The following CFTR variants were observed in gnomAD, a reference collection of about 807,000 sequenced individuals.
CFTR encodes CF transmembrane conductance regulator.
In CFTR, 181 loss-of-function variants were observed where a neutral mutation model predicts 171.6. The ratio of observed to expected loss-of-function variants is 1.05; its 90% CI spans 0.93 to 1.19. The LOEUF (loss-of-function observed/expected upper bound fraction) is 1.19. Among genes scored for constraint, CFTR ranks in the 50% most tolerant of loss-of-function variants. The pLI is 0.00. For synonymous variants in CFTR, 583 were observed against 608.0 expected (o/e 0.96, Z 0.60); for missense variants, 1,968 against 1,734.7 (o/e 1.13, Z -2.39).
At chr7:117,536,362 G>A (rs999164790) in intron 6 of CFTR, among the ~76,000 whole-genome samples, 186 bp from the exon 7 acceptor site, 8 of 152,132 alleles carry the variant, frequency 5.3e-5, no homozygotes, top group African/African-American at 7.2e-5. Flanking sequence ...TCTGTACAGC[G>A]TCTGGCACAT....
At chr7:117,624,261 C>A (rs1792619934) in intron 21 of CFTR, among the ~76,000 whole-genome samples, 1 of 151,972 alleles carries the variant, frequency 6.6e-6, no homozygotes, top group Non-Finnish European at 1.5e-5. Flanking sequence ...AGTGTGTTGC[C>A]CTACATCATC....
intron 1 of CFTR, among the ~76,000 whole-genome samples, chr7:117,497,272 A>C (rs372463430): frequency 1.3e-5 from 2 of 152,326 alleles, no homozygotes; most frequent in East Asian, 3.9e-4. Flanking sequence ...ATGTATGTGA[A>C]ATATTTAGAA....
At chr7:117,562,644 T>C (rs917601006) in intron 11 of CFTR, among the ~76,000 whole-genome samples, 2 of 152,268 alleles carry the variant, frequency 1.3e-5, no homozygotes, top group African/African-American at 4.8e-5. Flanking sequence ...GCATGGTGGG[T>C]ATGAAATGAC....
intron 1 of CFTR, among the ~76,000 whole-genome samples, chr7:117,495,016 C>T (rs914488278): frequency 6.6e-6 from 1 of 152,142 alleles, no homozygotes. Context: ...AACCCAGTGG[C>T]ATTTCTACTA....
At chr7:117,535,188 T>C in intron 5 of CFTR, 60 bp from the exon 6 acceptor site, 3 of 1,558,416 alleles carry the variant, frequency 1.9e-6, no homozygotes, top group Non-Finnish European at 2.7e-6. Context: ...TATATGATTG[T>C]TAGTTTCTAG....
chr7:117,617,501 C>T (rs1359824094), intron 21 of CFTR, among the ~76,000 whole-genome samples: 1 of 151,828 alleles, frequency 6.6e-6, no homozygotes, highest in Admixed American at 6.6e-5. Context: ...AGCTTTTTCC[C>T]ACCTTCTTCT....
intron 11 of CFTR, among the ~76,000 whole-genome samples, chr7:117,576,963 C>A (rs1445359765): frequency 1.3e-5 from 2 of 152,136 alleles, no homozygotes; most frequent in African/African-American, 4.8e-5. Context: ...CTCCCCTTGC[C>A]TTTGAGAAGC....
At chr7:117,634,051 A>C (rs1433983206) in intron 22 of CFTR, among the ~76,000 whole-genome samples, 1 of 152,132 alleles carries the variant, frequency 6.6e-6, no homozygotes, top group Non-Finnish European at 1.5e-5. Flanking sequence ...ATTTGAGAAG[A>C]GATTGCAGAG....
intron 3 of CFTR, among the ~76,000 whole-genome samples, chr7:117,529,513 T>TAAAA (rs61443875): frequency 8.3e-6 from 1 of 119,980 alleles, no homozygotes; most frequent in African/African-American, 2.8e-5. Context: ...ACTTAGAGTA[T>TAAAA]AAAAAAAAAA....
At position 117,579,166 on chromosome 7, in the gene CFTR, G is replaced by A. The variant is rs951845376; in HGVS notation, c.1585-8573G>A. Among the ~76,000 whole-genome samples, 3 of 151,966 alleles carry A rather than the reference G, an allele frequency of 2.0e-5. No homozygotes were observed. In the South Asian group the frequency reaches 6.2e-4, roughly 32 times the overall value. ...CATAAATCTACTAAGAAATTTATAA[G>A]ACATATATGGAGAAAATTCAATTGA... On this transcript the variant is annotated intron_variant, in intron 11 of 26. Coordinates refer to ENST00000003084, the MANE Select transcript of CFTR (RefSeq NM_000492.4).
rs397508287 is a variant in CFTR at position 117,590,408 on chromosome 7, G to T, written c.1735G>T (p.Asp579Tyr). ...YLLDSPFGYLDVLTEKEIFES... is the reference protein window; with the variant it reads ...YLLDSPFGYLYVLTEKEIFES... ...ATTAGACTCTCCTTTTGGATACCTA[G>T]ATGTTTTAACAGAAAAAGAAATATT... is the stretch of plus-strand genomic sequence containing the variant. The change falls in exon 13 of 27, where the codon GAT (aspartate) becomes TAT (tyrosine). Residue 579 changes from aspartate to tyrosine, a missense_variant. Physicochemically the swap from Asp to Tyr is radical, Grantham distance 160. Transcript: ENST00000003084. 1 of 1,603,130 alleles carries T rather than the reference G, an allele frequency of 6.2e-7. No individual in the cohort carries two copies. Among genetic ancestry groups the T allele is most frequent in the Non-Finnish European group, 8.5e-7 (1 of 1,172,258 alleles).
chr7:117,572,169 T>G (rs1054878117), intron 11 of CFTR, among the ~76,000 whole-genome samples: 2 of 151,990 alleles, frequency 1.3e-5, no homozygotes, highest in Non-Finnish European at 2.9e-5. Context: ...GTCCAGCTAA[T>G]TTTTGTATTT....
intron 22 of CFTR, among the ~76,000 whole-genome samples, chr7:117,635,513 C>G (rs1036052106): frequency 6.6e-6 from 1 of 151,876 alleles, no homozygotes; most frequent in Non-Finnish European, 1.5e-5. Flanking sequence ...ACTACTTGTT[C>G]TTTGTTTATA....
chr7:117,606,821 ATT>A, intron 18 of CFTR, 68 bp downstream of exon 18: 1 of 938,578 alleles, frequency 1.1e-6, no homozygotes, highest in Non-Finnish European at 1.8e-6. Context: ...AGCAAATGTG[ATT>A]TTGTTTTCAT....
Position 117,614,638 on chromosome 7 carries a change from T to C in CFTR, c.3393T>C (p.Ile1131=), listed in dbSNP as rs745480432. The C allele has an allele frequency of 6.2e-7, 1 of 1,611,694 alleles. No individual in the cohort carries two copies. Among genetic ancestry groups the C allele is most frequent in the Non-Finnish European group, 8.5e-7 (1 of 1,178,038 alleles). The part of the protein sequence containing the change: ...TTGEGEGRVG[I]ILTLAMNIMS... ...GAGAAGGAGAAGGAAGAGTTGGTAT[T>C]ATCCTGACTTTAGCCATGAATATCA... Residue 1131 remains isoleucine (I), a synonymous_variant, in exon 21 of 27, where the codon ATT becomes ATC. Transcript: ENST00000003084.
intron 24 of CFTR, among the ~76,000 whole-genome samples, chr7:117,664,463 A>G (rs191698902): frequency 5.3e-5 from 8 of 152,332 alleles, no homozygotes; most frequent in African/African-American, 1.9e-4. Flanking sequence ...AAAGTTTCCT[A>G]ATGAATGAAG....
At chr7:117,534,141 T>G in intron 4 of CFTR, 135 bp from the exon 5 acceptor site, 4 of 609,204 alleles carry the variant, frequency 6.6e-6, no homozygotes, top group Non-Finnish European at 1.2e-5. Flanking sequence ...GTAAGCTAGA[T>G]GAATAGAATA....
Position 117,664,405 on chromosome 7 carries a change from T to C in CFTR, c.3964-283T>C, listed in dbSNP as rs10266116. 0.23 allele frequency among the ~76,000 whole-genome samples: 35,228 copies of C among 152,130 alleles called. 4,411 individuals carry two copies. The highest frequency in any genetic ancestry group is 0.25 in the African/African-American group (10,230 of 41,496). ...CACAAGAGCCATGTGCCACGTATTG[T>C]TTTCTTACTACTTTTTGGGATACCT... On this transcript the variant is annotated intron_variant, in intron 24 of 26. Transcript: ENST00000003084.
intron 15 of CFTR, among the ~76,000 whole-genome samples, chr7:117,598,658 G>T (rs1417251817): frequency 6.6e-6 from 1 of 152,092 alleles, no homozygotes; most frequent in Admixed American, 6.5e-5. Context: ...CATGTTATTT[G>T]CCCTGCTGTT....
Sources: gnomAD v4.1 joint callset for allele counts (sites outside exome capture counted in the v4.1 genomes callset) on GRCh38, gnomAD v4.1.1 for gene constraint, MANE v1.5 for transcripts, NCBI Gene and HGNC (gene_info 2026-07-23, HGNC 2026-07-21) for gene names.